FAF1: variants seen among roughly 807,000 people sequenced by gnomAD.
FAF1 encodes the protein Fas associated factor 1, also known as FAS-associated factor 1.
FAF1 carries 25 observed loss-of-function variants against 92.5 expected under a neutral mutation model. The ratio of observed to expected loss-of-function variants is 0.27; its 90% CI spans 0.20 to 0.38. The LOEUF (loss-of-function observed/expected upper bound fraction) is 0.38, where lower values mean the gene tolerates loss of function less well. Among genes scored for constraint, FAF1 ranks in the 10% least tolerant of loss-of-function variants. FAF1 has a pLI of 1.00. For missense variants in FAF1, 636 were observed against 793.3 expected, an observed-to-expected ratio of 0.80 and a Z score of 2.38; for synonymous variants, 234 against 273.2, an observed-to-expected ratio of 0.86 and a Z score of 1.42.
At chr1:50,884,830 G>T (rs1055994012) in intron 1 of FAF1, among the ~76,000 whole-genome samples, 1 of 151,974 alleles carries the variant, frequency 6.6e-6, no homozygotes, top group African/African-American at 2.4e-5. Flanking sequence ...TTCATATTAG[G>T]TTGAGTAAAA....
intron 15 of FAF1, among the ~76,000 whole-genome samples, chr1:50,526,544 T>C (rs961391698): frequency 2.0e-5 from 3 of 151,988 alleles, no homozygotes; most frequent in Non-Finnish European, 4.4e-5. Flanking sequence ...CTGCAAGCAA[T>C]CCACGTGCCT....
Position 50,731,871 on chromosome 1 carries a change from A to G in FAF1, c.551+6992T>C, listed in dbSNP as rs139737290. 4.6e-5 allele frequency among the ~76,000 whole-genome samples: 7 copies of G among 152,024 alleles called. No homozygotes were observed. In the East Asian group the frequency reaches 1.2e-3, roughly 25 times the overall value. On this transcript the variant is annotated intron_variant, in intron 6 of 18. Transcript: ENST00000396153. ...GATCCAAATGCATGGGGGATTTGGGATATATGTTTTTATTATTACTTTACT... is the reference window on the plus strand; with the variant it reads ...GATCCAAATGCATGGGGGATTTGGGGTATATGTTTTTATTATTACTTTACT...
chr1:50,873,624 A>G (rs1644546634), intron 1 of FAF1, among the ~76,000 whole-genome samples: 1 of 152,226 alleles, frequency 6.6e-6, no homozygotes, highest in South Asian at 2.1e-4. Flanking sequence ...ATGATACTTT[A>G]CAAATGCCAC....
At chr1:50,457,190 G>A (rs12079301) in intron 18 of FAF1, among the ~76,000 whole-genome samples, 1 of 151,762 alleles carries the variant, frequency 6.6e-6, no homozygotes, top group African/African-American at 2.4e-5. Flanking sequence ...AGAATCTTCA[G>A]GTTTGGGATT....
At chr1:50,758,523 A>G (rs539012714) in intron 4 of FAF1, among the ~76,000 whole-genome samples, 7 of 152,338 alleles carry the variant, frequency 4.6e-5, no homozygotes, top group African/African-American at 1.7e-4. Flanking sequence ...CTACTTTTAA[A>G]TGTCAATTCT....
At chr1:50,917,935 G>T (rs1315537112) in intron 1 of FAF1, among the ~76,000 whole-genome samples, 1 of 152,118 alleles carries the variant, frequency 6.6e-6, no homozygotes, top group Non-Finnish European at 1.5e-5. Context: ...TCATTTACAT[G>T]AAGTCCAATA....
At chr1:50,909,821 G>C (rs1450504378) in intron 1 of FAF1, among the ~76,000 whole-genome samples, 2 of 152,124 alleles carry the variant, frequency 1.3e-5, no homozygotes, top group Non-Finnish European at 2.9e-5. Context: ...TGGGTTTGAA[G>C]ATCCCCCTTT....
At chr1:50,703,012 A>AAT (rs1657536219) in intron 7 of FAF1, among the ~76,000 whole-genome samples, 2 of 151,512 alleles carry the variant, frequency 1.3e-5, no homozygotes, top group East Asian at 1.9e-4. Flanking sequence ...AATTAAAAAA[A>AAT]ATATATATAT....
intron 13 of FAF1, among the ~76,000 whole-genome samples, chr1:50,541,537 G>C (rs997435296): frequency 3.9e-5 from 6 of 152,086 alleles, no homozygotes; most frequent in Non-Finnish European, 7.4e-5. Flanking sequence ...AGTCAGTCTT[G>C]ACTCTGGCCT....
At chr1:50,833,982 T>C (rs546452252) in intron 2 of FAF1, among the ~76,000 whole-genome samples, 4 of 152,382 alleles carry the variant, frequency 2.6e-5, no homozygotes, top group African/African-American at 7.2e-5. Context: ...TTTGGATTTA[T>C]GTCCTTGCCC....
At chr1:50,876,156 C>G (rs141879889) in intron 1 of FAF1, among the ~76,000 whole-genome samples, 1 of 152,308 alleles carries the variant, frequency 6.6e-6, no homozygotes, top group East Asian at 1.9e-4. Context: ...GGACACAGTA[C>G]TTGAGCAGGC....
chr1:50,524,964 T>C (rs1212332126), intron 15 of FAF1, among the ~76,000 whole-genome samples: 1 of 152,020 alleles, frequency 6.6e-6, no homozygotes, highest in Admixed American at 6.6e-5. Flanking sequence ...TGGCTCACTG[T>C]AACCTCTGCT....
In FAF1 at chr1:50,939,045, T is replaced by C. The variant is rs140563344; in HGVS notation, c.45+20722A>G. 5.1e-3 allele frequency among the ~76,000 whole-genome samples: 781 copies of C among 152,332 alleles called. 4 individuals carry two copies. The highest frequency in any genetic ancestry group is 8.3e-3 in the Non-Finnish European group (563 of 68,018). ...TTTTGCTTAGGAATGCTTTGGCTAT[T>C]TGGGCTCATTTTTGCTTCCATGTGA... On this transcript the variant is annotated intron_variant, in intron 1 of 18. Transcript: ENST00000396153.
chr1:50,830,242 A>G (rs185455619), intron 2 of FAF1, among the ~76,000 whole-genome samples: 4 of 152,214 alleles, frequency 2.6e-5, no homozygotes, highest in African/African-American at 9.6e-5. Flanking sequence ...CTCAGCCTCC[A>G]GTGTAGCTGG....
chr1:50,466,895 G>T (rs1181667016), intron 18 of FAF1, among the ~76,000 whole-genome samples: 1 of 152,138 alleles, frequency 6.6e-6, no homozygotes, highest in East Asian at 1.9e-4. Context: ...TCCTCAAGCT[G>T]CCCTAGCTGG....
intron 7 of FAF1, among the ~76,000 whole-genome samples, chr1:50,673,130 T>C (rs547455492): frequency 1.4e-3 from 211 of 152,008 alleles, no homozygotes; most frequent in African/African-American, 4.8e-3. Context: ...TTGTGGTGCA[T>C]ACCTGTAATC....
At chr1:50,466,491 T>C (rs897493691) in intron 18 of FAF1, among the ~76,000 whole-genome samples, 8 of 152,178 alleles carry the variant, frequency 5.3e-5, no homozygotes, top group African/African-American at 1.9e-4. Flanking sequence ...TATATATATT[T>C]GTGAGTTGTA....
At position 50,502,925 on chromosome 1, in the gene FAF1, T is replaced by G. The variant is rs149091970; in HGVS notation, c.1495-11124A>C. ...GTTTTAAACTCCTGGGCTCAAGTGA[T>G]TTTTTTTTCCTGCCTCAGCCTCTGA... On this transcript the variant is annotated intron_variant, in intron 15 of 18. Coordinates refer to ENST00000396153, the MANE Select transcript of FAF1 (RefSeq NM_007051.3). 1.3e-4 allele frequency among the ~76,000 whole-genome samples: 19 copies of G among 151,568 alleles called. No individual in the cohort carries two copies. The East Asian group carries it at 3.3e-3, about 26-fold the overall frequency.
intron 8 of FAF1, among the ~76,000 whole-genome samples, chr1:50,646,608 C>G (rs186945865): frequency 1.3e-5 from 2 of 152,164 alleles, no homozygotes; most frequent in African/African-American, 4.8e-5. Context: ...AATCAAATGT[C>G]CCTTTCACTG....
Sources: gnomAD v4.1 joint callset for allele counts (sites outside exome capture counted in the v4.1 genomes callset) on GRCh38, gnomAD v4.1.1 for gene constraint, MANE v1.5 for transcripts, NCBI Gene and HGNC (gene_info 2026-07-23, HGNC 2026-07-21) for gene names.